CSRNP2: variants seen among roughly 807,000 people sequenced by gnomAD.
CSRNP2 encodes cysteine and serine rich nuclear protein 2.
CSRNP2 carries 11 observed loss-of-function variants against 36.6 expected under a neutral mutation model. That is an observed-to-expected ratio of 0.30 (90% CI 0.19 to 0.50). The LOEUF (loss-of-function observed/expected upper bound fraction) is 0.50, where lower values mean the gene tolerates loss of function less well. Ranked by LOEUF, CSRNP2 falls within the 20% of genes least tolerant of loss-of-function variation. CSRNP2 has a pLI of 0.98. For missense variants in CSRNP2, 483 were observed against 691.4 expected (o/e 0.70, Z 3.38); for synonymous variants, 248 against 275.3 (o/e 0.90, Z 0.98).
At chr12:51,072,002 C>T (rs11833022) in intron 3 of CSRNP2, among the ~76,000 whole-genome samples, 24,664 of 152,098 alleles carry the variant, frequency 0.16, 2,204 homozygotes, top group South Asian at 0.26. Context: ...ATACAGCTCT[C>T]AGAGAAAGAA....
At chr12:51,068,921 T>C (rs541666999) in intron 3 of CSRNP2, among the ~76,000 whole-genome samples, 2 of 152,342 alleles carry the variant, frequency 1.3e-5, no homozygotes, top group African/African-American at 2.4e-5. Flanking sequence ...AGCAAATATA[T>C]TAACAGGTAT....
At chr12:51,066,435 C>G (rs944056146) in intron 4 of CSRNP2, among the ~76,000 whole-genome samples, 2 of 126,134 alleles carry the variant, frequency 1.6e-5, no homozygotes, top group African/African-American at 6.0e-5. Context: ...AGCCTGGCAA[C>G]AGAGCAAGAC....
Position 51,063,878 on chromosome 12 carries a change from G to T in CSRNP2, c.1500C>A (p.His500Gln), listed in dbSNP as rs1372406488. ...NPEEPENEDF[H>Q]PSWSPSSLPF... ...GGAGGCTTGAGGGGGACCAGGAAGG[G>T]TGGAAGTCTTCATTTTCAGGCTCCT... The change falls in exon 5 of 5, where the codon CAC becomes CAA. Residue 500 changes from histidine to glutamine, a missense_variant. Physicochemically the swap from His to Gln is conservative, Grantham distance 24. Around this residue, in one of 2 missense-constraint regions of CSRNP2, gnomAD observed 277 missense variants for 323.6 expected, o/e 0.86. Coordinates refer to ENST00000228515, the MANE Select transcript of CSRNP2 (RefSeq NM_030809.3). The T allele has an allele frequency of 1.9e-6, 3 of 1,614,132 alleles. No homozygotes were observed. Among genetic ancestry groups the T allele is most frequent in the East Asian group, 2.2e-5 (1 of 44,872 alleles).
chr12:51,079,764 C>A (rs1592772384), intron 1 of CSRNP2, among the ~76,000 whole-genome samples: 1 of 58,772 alleles, frequency 1.7e-5, no homozygotes, highest in South Asian at 6.4e-4. Context: ...AGAGGGAGAC[C>A]TTGTCAAAAA....
rs1937791158 is a variant in CSRNP2, at chr12:51,063,608, T to C, written c.*138A>G. Reference sequence around the variant, plus strand: ...CTTTTAAAAAATACTCAAACAATCCTTTCCCACCCATTCCCCAAAGACCCC... The same window carrying C: ...CTTTTAAAAAATACTCAAACAATCCCTTCCCACCCATTCCCCAAAGACCCC... On this transcript the variant is annotated 3_prime_UTR_variant, in exon 5 of 5. Coordinates refer to ENST00000228515, the MANE Select transcript of CSRNP2 (RefSeq NM_030809.3). 1.5e-6 allele frequency: 1 copy of C among 674,462 alleles called. No homozygotes were observed. The highest frequency in any genetic ancestry group is 2.4e-6 in the Non-Finnish European group (1 of 420,796). The allele number at this position is 674,462 out of a possible 1,614,324, so 41.8% of individuals were successfully genotyped here.
chr12:51,063,803 C>G lies in CSRNP2; in HGVS notation c.1575G>C (p.Gln525His). The G allele has an allele frequency of 6.9e-6, 11 of 1,605,454 alleles. No individual in the cohort carries two copies. Among genetic ancestry groups the G allele is most frequent in the Non-Finnish European group, 9.4e-6 (11 of 1,175,550 alleles). Reference sequence around the variant, plus strand: ...CTTCAGGGGGCCGATCCTCATTCTGCTGGGAGGTCTTCACCATCCCACAGC... The same window carrying G: ...CTTCAGGGGGCCGATCCTCATTCTGGTGGGAGGTCTTCACCATCCCACAGC... ...EEGCGMVKTSQQNEDRPPEDS... is the reference protein window; with the variant it reads ...EEGCGMVKTSHQNEDRPPEDS... The change falls in exon 5 of 5, where the codon CAG becomes CAC. Residue 525 changes from glutamine to histidine, a missense_variant. Physicochemically the swap from Gln to His is conservative, Grantham distance 24. Transcript: ENST00000228515.
In CSRNP2 at chr12:51,064,025, G is replaced by A; in HGVS notation, c.1353C>T (p.Val451=). 6.2e-7 allele frequency: 1 copy of A among 1,614,242 alleles called. No individual in the cohort carries two copies. The highest frequency in any genetic ancestry group is 8.5e-7 in the Non-Finnish European group (1 of 1,180,044). The part of the protein sequence containing the change: ...ASFPKEKDLN[V]FSLPVTSLVA... ...CGAGTGAGGTAACAGGGAGAGAGAA[G>A]ACATTCAGATCCTTCTCCTTTGGGA... Residue 451 remains valine, a synonymous_variant, in exon 5 of 5, where the codon GTC becomes GTT. Transcript: ENST00000228515.
At position 51,064,433 on chromosome 12, in the gene CSRNP2, C is replaced by A. The variant is rs768779926; in HGVS notation, c.945G>T (p.Glu315Asp). 1.4e-5 allele frequency: 22 copies of A among 1,611,732 alleles called. No individual in the cohort carries two copies. In the Admixed American group the frequency reaches 3.2e-4, roughly 23 times the overall value. ...AQGSETQDFQ[E>D]FIAENETAVM... ...CTGCTGTCTCATTCTCAGCAATGAA[C>A]TCCTGGAAGTCCTGGGTCTCAGAGC... is the stretch of plus-strand genomic sequence containing the variant. The change falls in exon 5 of 5, where the codon GAG becomes GAT. Residue 315 changes from glutamate (E) to aspartate (D), a missense_variant. By Grantham distance (45) the Glu-to-Asp change is conservative. This residue lies in a region of CSRNP2 where 277 missense variants were observed against 323.6 expected (regional missense o/e 0.86). Coordinates refer to ENST00000228515, the MANE Select transcript of CSRNP2 (RefSeq NM_030809.3).
chr12:51,065,540 G>T (rs535121037), intron 4 of CSRNP2, among the ~76,000 whole-genome samples: 2 of 151,996 alleles, frequency 1.3e-5, no homozygotes, highest in Admixed American at 6.6e-5. Context: ...CTGTCGTCCA[G>T]GCTGGAGTGC....
intron 4 of CSRNP2, among the ~76,000 whole-genome samples, chr12:51,065,989 T>G (rs1487843963): frequency 6.6e-6 from 1 of 152,198 alleles, no homozygotes; most frequent in Non-Finnish European, 1.5e-5. Flanking sequence ...TATTGCTGTT[T>G]TCAACTGAAA....
At position 51,064,340 on chromosome 12, in the gene CSRNP2, A is replaced by T. The variant is rs756528215; in HGVS notation, c.1038T>A (p.Ser346Arg). ...TCTCGATGCTCGAGTCCAGGCTGGC[A>T]CTAGAGCCGCTGGAATCTTCTTCTG... ...LKAEEDSSGS[S>R]ASLDSSIESL... The change falls in exon 5 of 5, where the codon AGT becomes AGA. Residue 346 changes from serine (S) to arginine (R), a missense_variant. Transcript: ENST00000228515. The T allele has an allele frequency of 4.3e-6, 7 of 1,614,044 alleles. No homozygotes were observed. The South Asian group carries it at 7.7e-5, about 18-fold the overall frequency.
At chr12:51,081,788 T>C (rs1314654016) in intron 1 of CSRNP2, among the ~76,000 whole-genome samples, 1 of 151,618 alleles carries the variant, frequency 6.6e-6, no homozygotes, top group Non-Finnish European at 1.5e-5. Context: ...TAAGTTTTTT[T>C]CAGGCCTAAA....
At chr12:51,068,783 G>A (rs545735620) in intron 3 of CSRNP2, among the ~76,000 whole-genome samples, 50 of 149,588 alleles carry the variant, frequency 3.3e-4, no homozygotes, top group African/African-American at 1.2e-3. Flanking sequence ...CTACCTTCTT[G>A]AAAAAAAAAG....
intron 4 of CSRNP2, among the ~76,000 whole-genome samples, chr12:51,065,938 T>A (rs1446525881): frequency 6.6e-6 from 1 of 152,206 alleles, no homozygotes; most frequent in Non-Finnish European, 1.5e-5. Flanking sequence ...ATCTACACCC[T>A]CAATAATTAA....
rs1225290636 is a variant in CSRNP2 at position 51,064,583 on chromosome 12, G to A, written c.795C>T (p.Val265=). 1.2e-6 allele frequency: 2 copies of A among 1,601,928 alleles called. No individual in the cohort carries two copies. Among genetic ancestry groups the A allele is most frequent in the South Asian group, 2.2e-5 (2 of 89,950 alleles). ...TAATGGTGTGGAGGTAATGAGTCCGGACCCGGATTGGATTAAATTCAATGC... is the reference window on the plus strand; with the variant it reads ...TAATGGTGTGGAGGTAATGAGTCCGAACCCGGATTGGATTAAATTCAATGC... ...AGRIEFNPIR[V]RTHYLHTIMK... Residue 265 remains valine (V), a synonymous_variant, in exon 5 of 5, where the codon GTC becomes GTT. Coordinates refer to ENST00000228515, the MANE Select transcript of CSRNP2 (RefSeq NM_030809.3).
chr12:51,079,726 C>G (rs529382011), intron 1 of CSRNP2, among the ~76,000 whole-genome samples: 21 of 120,988 alleles, frequency 1.7e-4, no homozygotes, highest in African/African-American at 6.7e-4. Context: ...GAGCCAAGAT[C>G]GTGCCATTGC....
Position 51,069,355 on chromosome 12 carries a change from C to T in CSRNP2, c.412-1386G>A, listed in dbSNP as rs1455442177. On this transcript the variant is annotated intron_variant, in intron 3 of 4. Coordinates refer to ENST00000228515, the MANE Select transcript of CSRNP2 (RefSeq NM_030809.3). ...CAGGATGGAATGCAGTGCATGATCTCGGCTCACTGCAATCTCTGCCTCCTG... is the reference window on the plus strand; with the variant it reads ...CAGGATGGAATGCAGTGCATGATCTTGGCTCACTGCAATCTCTGCCTCCTG... Among the ~76,000 whole-genome samples, 6 of 144,478 alleles carry T rather than the reference C, an allele frequency of 4.2e-5. No individual in the cohort carries two copies. The East Asian group carries it at 1.0e-3, about 25-fold the overall frequency. The allele number at this position is 144,478 out of a possible 152,430, so 94.8% of individuals were successfully genotyped here. A position where few individuals can be genotyped will look rare whatever the true frequency, so the allele number is the denominator to read the frequency against.
At chr12:51,082,065 C>G (rs1194648312) in intron 1 of CSRNP2, among the ~76,000 whole-genome samples, 3 of 152,234 alleles carry the variant, frequency 2.0e-5, no homozygotes. Flanking sequence ...ATGGTCAGGG[C>G]TACCATCTGT....
intron 1 of CSRNP2, among the ~76,000 whole-genome samples, chr12:51,078,509 G>A (rs527581298): frequency 1.3e-5 from 2 of 152,170 alleles, no homozygotes; most frequent in Non-Finnish European, 2.9e-5. Flanking sequence ...CATTCTTAGG[G>A]CATGGTAAGA....
Sources: gnomAD v4.1 joint callset for allele counts (sites outside exome capture counted in the v4.1 genomes callset) on GRCh38, gnomAD v4.1.1 for gene constraint, gnomAD v4.1.1 regional missense constraint, MANE v1.5 for transcripts, NCBI Gene and HGNC (gene_info 2026-07-23, HGNC 2026-07-21) for gene names.